SPHKAP: variants seen among roughly 807,000 people sequenced by gnomAD.
SPHKAP encodes SPHK1 interactor, AKAP domain containing.
SPHKAP carries 67 observed loss-of-function variants against 137.5 expected under a neutral mutation model. That is an observed-to-expected ratio of 0.49 (90% CI 0.40 to 0.60). The LOEUF is 0.60. Ranked by LOEUF, SPHKAP falls within the 20% of genes least tolerant of loss-of-function variation. SPHKAP has a pLI of 0.00. For synonymous variants in SPHKAP, 813 were observed against 785.3 expected (o/e 1.04, Z -0.59); for missense variants, 2,097 against 2,069.3 (o/e 1.01, Z -0.26).
intron 1 of SPHKAP, among the ~76,000 whole-genome samples, chr2:228,136,596 C>A (rs1487070239): frequency 2.6e-5 from 4 of 152,156 alleles, no homozygotes; most frequent in Non-Finnish European, 5.9e-5. Context: ...CATTGCAATG[C>A]AAAGTTTGGT....
At chr2:228,111,636 T>C (rs544390653) in intron 2 of SPHKAP, among the ~76,000 whole-genome samples, 5 of 152,312 alleles carry the variant, frequency 3.3e-5, no homozygotes, top group African/African-American at 1.2e-4. Flanking sequence ...TGCTAAAATT[T>C]TCCTATATGT....
rs372310259 is a variant in SPHKAP, at chr2:227,997,047, C to T, written c.4449-1353G>A. Among the ~76,000 whole-genome samples the T allele has an allele frequency of 3.2e-4, 48 of 152,278 alleles. 1 individual carries two copies. Among genetic ancestry groups the T allele is most frequent in the African/African-American group, 8.7e-4 (36 of 41,562 alleles). On this transcript the variant is annotated intron_variant, in intron 7 of 11. Transcript: ENST00000392056. ...GGACTATAGTGCACCAGCCTTCCAACGGTTGTGCTTCAACTAGTCATCCAC... is the reference window on the plus strand; with the variant it reads ...GGACTATAGTGCACCAGCCTTCCAATGGTTGTGCTTCAACTAGTCATCCAC...
chr2:228,083,324 T>A (rs1697423518), intron 3 of SPHKAP, among the ~76,000 whole-genome samples: 2 of 152,250 alleles, frequency 1.3e-5, no homozygotes, highest in Admixed American at 1.3e-4. Flanking sequence ...AGTGTTCCTA[T>A]TTCTCCACAG....
intron 3 of SPHKAP, among the ~76,000 whole-genome samples, chr2:228,063,698 CAA>C (rs2106291032): frequency 6.6e-6 from 1 of 152,254 alleles, no homozygotes; most frequent in African/African-American, 2.4e-5. Context: ...TTTGTTATGA[CAA>C]AGTGTTGTAG....
At chr2:228,108,778 T>C in intron 3 of SPHKAP, 54 bp downstream of exon 3, 4 of 1,294,998 alleles carry the variant, frequency 3.1e-6, no homozygotes, top group Non-Finnish European at 4.4e-6. Context: ...CATGGGTACA[T>C]GTGCCCGCTT....
At chr2:228,002,135 G>A (rs1693931629) in intron 7 of SPHKAP, among the ~76,000 whole-genome samples, 1 of 152,110 alleles carries the variant, frequency 6.6e-6, no homozygotes. Context: ...GATCCCTGAG[G>A]AATCGCCACA....
At chr2:228,087,770 A>G (rs1697583829) in intron 3 of SPHKAP, among the ~76,000 whole-genome samples, 1 of 152,172 alleles carries the variant, frequency 6.6e-6, no homozygotes, top group Non-Finnish European at 1.5e-5. Flanking sequence ...GAGAAAAAAT[A>G]GAATGAACAG....
chr2:228,180,248 C>T (rs1261177671), intron 1 of SPHKAP, among the ~76,000 whole-genome samples: 5 of 152,156 alleles, frequency 3.3e-5, no homozygotes, highest in South Asian at 2.1e-4. Flanking sequence ...ATCCCCGCAG[C>T]GAAGGGACGC....
intron 1 of SPHKAP, among the ~76,000 whole-genome samples, chr2:228,151,749 T>A (rs182171491): frequency 4.8e-4 from 73 of 152,286 alleles, no homozygotes; most frequent in African/African-American, 1.7e-3. Context: ...ATTTCAGGTC[T>A]TATTATCATT....
chr2:228,027,601 A>G lies in SPHKAP; in HGVS notation c.247-58T>C, dbSNP rs1221616470. ...GTCAAAAACCTGACTGTCTTTTTAG[A>G]AGAAAGAAAGCAGGAATCAGTTGGG... On this transcript the variant is annotated intron_variant, in intron 3 of 11. Transcript: ENST00000392056. 8.4e-6 allele frequency: 13 copies of G among 1,548,112 alleles called. No individual in the cohort carries two copies. In the East Asian group the frequency reaches 2.7e-4, roughly 32 times the overall value.
intron 3 of SPHKAP, among the ~76,000 whole-genome samples, chr2:228,090,045 C>T (rs1464401261): frequency 6.6e-6 from 1 of 152,174 alleles, no homozygotes; most frequent in Non-Finnish European, 1.5e-5. Flanking sequence ...AAGGGGGTTG[C>T]TGTCCTCCAG....
At chr2:228,120,948 T>C (rs1698882398) in intron 2 of SPHKAP, among the ~76,000 whole-genome samples, 1 of 152,216 alleles carries the variant, frequency 6.6e-6, no homozygotes, top group African/African-American at 2.4e-5. Flanking sequence ...GATTAATTGT[T>C]ATTTAGAGTC....
intron 1 of SPHKAP, among the ~76,000 whole-genome samples, chr2:228,152,239 T>C (rs973276800): frequency 6.6e-6 from 1 of 152,202 alleles, no homozygotes; most frequent in Admixed American, 6.5e-5. Context: ...GATATACAAA[T>C]CTTCAAAGTT....
At chr2:228,135,954 A>C (rs767340474) in intron 1 of SPHKAP, among the ~76,000 whole-genome samples, 2 of 152,198 alleles carry the variant, frequency 1.3e-5, no homozygotes, top group African/African-American at 4.8e-5. Context: ...ATGAGTGTGC[A>C]TTTCCAATAG....
chr2:228,017,011 G>A lies in SPHKAP; in HGVS notation c.3843C>T (p.Ser1281=), dbSNP rs1203074370. The change falls in exon 7 of 12, where the codon TCC becomes TCT. Residue 1281 remains serine (S), a synonymous_variant. Transcript: ENST00000392056. ...FLSVQPVSSA[S]SSGLCKSDSC... Reference sequence around the variant, plus strand: ...AGTCAGATTTGCAGAGACCGGATGAGGACGCGCTACTGACCGGCTGCACGC... The same window carrying A: ...AGTCAGATTTGCAGAGACCGGATGAAGACGCGCTACTGACCGGCTGCACGC... The A allele has an allele frequency of 2.5e-6, 4 of 1,614,158 alleles. No individual in the cohort carries two copies. Among genetic ancestry groups the A allele is most frequent in the Non-Finnish European group, 3.4e-6 (4 of 1,180,026 alleles).
chr2:228,019,371 C>T lies in SPHKAP; in HGVS notation c.1483G>A (p.Ala495Thr), dbSNP rs1306983027. 1 of 1,614,032 alleles carries T rather than the reference C, an allele frequency of 6.2e-7. No individual in the cohort carries two copies. Among genetic ancestry groups the T allele is most frequent in the African/African-American group, 1.3e-5 (1 of 74,932 alleles). ...GENSSRQPQS[A>T]LEVALACAAT... is the part of the protein sequence containing the mutation. Reference sequence around the variant, plus strand: ...GCACAAGCTAACGCCACTTCTAGAGCACTCTGGGGTTGTCTGCTGGAGTTC... The same window carrying T: ...GCACAAGCTAACGCCACTTCTAGAGTACTCTGGGGTTGTCTGCTGGAGTTC... The change falls in exon 7 of 12, where the codon GCT (alanine) becomes ACT (threonine). Residue 495 changes from alanine (A) to threonine (T), a missense_variant. Physicochemically the swap from Ala to Thr is moderately conservative, Grantham distance 58 (BLOSUM62 0). Transcript: ENST00000392056.
At position 228,084,020 on chromosome 2, in the gene SPHKAP, G is replaced by A. The variant is rs1429959914; in HGVS notation, c.246+24812C>T. Among the ~76,000 whole-genome samples, 3 of 151,378 alleles carry A rather than the reference G, an allele frequency of 2.0e-5. No homozygotes were observed. In the East Asian group the frequency reaches 5.8e-4, roughly 29 times the overall value. ...CCCAGATGACGGGTTGATATGGGCA[G>A]CAAACCGCCATGGCACACGTATACC... On this transcript the variant is annotated intron_variant, in intron 3 of 11. Transcript: ENST00000392056.
chr2:228,072,680 GA>G (rs1452378222), intron 3 of SPHKAP, among the ~76,000 whole-genome samples: 2 of 152,176 alleles, frequency 1.3e-5, no homozygotes, highest in African/African-American at 4.8e-5. Flanking sequence ...TGTACCTTGA[GA>G]ATCCTGAGCC....
chr2:228,150,921 T>C (rs2106398762), intron 1 of SPHKAP, among the ~76,000 whole-genome samples: 1 of 151,916 alleles, frequency 6.6e-6, no homozygotes, highest in Non-Finnish European at 1.5e-5. Context: ...AGATAGTTTA[T>C]TTATTTATTT....
Sources: allele counts gnomAD v4.1 joint callset (sites outside exome capture counted in the v4.1 genomes callset), GRCh38; gene constraint gnomAD v4.1.1; transcripts MANE v1.5; gene names NCBI Gene and HGNC (gene_info 2026-07-23, HGNC 2026-07-21).